CEP170: variants seen among roughly 807,000 people sequenced by gnomAD.
CEP170 encodes the protein centrosomal protein 170.
In CEP170, 21 loss-of-function variants were observed where a neutral mutation model predicts 151.9. The ratio of observed to expected loss-of-function variants is 0.14; its 90% CI spans 0.10 to 0.20. CEP170 has a LOEUF of 0.20. Among genes scored for constraint, CEP170 ranks in the 10% least tolerant of loss-of-function variants. CEP170 has a pLI of 1.00. For synonymous variants in CEP170, 356 were observed against 648.8 expected (o/e 0.55, Z 6.86); for missense variants, 964 against 1,892.9 (o/e 0.51, Z 9.11).
chr1:243,158,455 TCAGA>T (rs1467323024), intron 13 of CEP170, among the ~76,000 whole-genome samples: 8 of 152,134 alleles, frequency 5.3e-5, no homozygotes, highest in African/African-American at 1.7e-4. Flanking sequence ...ATGATAAAAC[TCAGA>T]CAGTTAATTT....
intron 11 of CEP170, among the ~76,000 whole-genome samples, chr1:243,170,207 G>A (rs1394357803): frequency 7.3e-6 from 1 of 136,528 alleles, no homozygotes; most frequent in African/African-American, 2.7e-5. Flanking sequence ...CCAACATGGT[G>A]AAACCCTGTC....
rs933828068 is a variant in CEP170 at position 243,238,457 on chromosome 1, GA to G, written c.-41-13137del. On this transcript the variant is annotated intron_variant, in intron 1 of 19. Coordinates refer to ENST00000366542, the MANE Select transcript of CEP170 (RefSeq NM_014812.3). ...TGGGGCAACACAGTGAACTGCCCTG[GA>G]AAAAAAAAAAAGAATAGTGATATAT... is the stretch of plus-strand genomic sequence containing the variant. 7.4e-4 allele frequency among the ~76,000 whole-genome samples: 106 copies of G among 143,656 alleles called. No homozygotes were observed. The Middle Eastern group carries it at 0.011, about 15-fold the overall frequency. The allele number at this position is 143,656 out of a possible 152,430, so 94.2% of individuals were successfully genotyped here.
Position 243,230,757 on chromosome 1 carries a change from G to A in CEP170, c.-41-5436C>T, listed in dbSNP as rs138284531. Among the ~76,000 whole-genome samples the A allele has an allele frequency of 3.8e-3, 580 of 152,162 alleles. 6 individuals are homozygous for A. The highest frequency in any genetic ancestry group is 3.9e-3 in the Non-Finnish European group (267 of 67,994). On this transcript the variant is annotated intron_variant, in intron 1 of 19. Transcript: ENST00000366542. ...TGAAGTAAAATGAACAGAGCCTGAG[G>A]CACCAGTAGGATATCATCAAACATA...
intron 4 of CEP170, chr1:243,211,636 C>T (rs1316788785): frequency 2.5e-6 from 1 of 401,100 alleles, no homozygotes; most frequent in Non-Finnish European, 4.6e-6. Context: ...TTCAGTGAGA[C>T]TGATGCTGAA....
In CEP170 at chr1:243,164,675, T is replaced by C. The variant is rs879219993; in HGVS notation, c.3285A>G (p.Pro1095=). The change falls in exon 13 of 20, where the codon CCA becomes CCG. Residue 1095 remains proline, a synonymous_variant. Transcript: ENST00000366542. ...SSSKSTTLPR[P]RPTRTSLLRR... is the part of the protein sequence containing the mutation. ...GCAAGAGGGAAGTCCTGGTAGGTCG[T>C]GGCCTTGGAAGGGTGGTTGATTTAC... is the stretch of plus-strand genomic sequence containing the variant. 1.2e-6 allele frequency: 2 copies of C among 1,613,774 alleles called. No homozygotes were observed. Among genetic ancestry groups the C allele is most frequent in the African/African-American group, 1.3e-5 (1 of 75,034 alleles).
intron 16 of CEP170, among the ~76,000 whole-genome samples, chr1:243,136,833 TAAGTAATGTGAATACAGAAATC>T (rs1256793172): frequency 6.7e-6 from 1 of 149,060 alleles, no homozygotes; most frequent in Non-Finnish European, 1.5e-5. Flanking sequence ...ACACAGGGTC[TAAGTAATGTGAATACAGAAATC>T]AAGAAGAGTA....
At chr1:243,229,618 C>T (rs1347686307) in intron 1 of CEP170, among the ~76,000 whole-genome samples, 1 of 152,138 alleles carries the variant, frequency 6.6e-6, no homozygotes, top group Non-Finnish European at 1.5e-5. Context: ...TGGAGACAGC[C>T]TCCTGCATTC....
chr1:243,138,945 C>A (rs909536417), intron 16 of CEP170, among the ~76,000 whole-genome samples: 3 of 152,116 alleles, frequency 2.0e-5, no homozygotes, highest in Non-Finnish European at 2.9e-5. Flanking sequence ...ATAAGAAAGC[C>A]TATGTAGCTA....
intron 13 of CEP170, among the ~76,000 whole-genome samples, chr1:243,159,331 T>C (rs1347644485): frequency 6.6e-6 from 1 of 152,060 alleles, no homozygotes; most frequent in African/African-American, 2.4e-5. Flanking sequence ...AGAGCAGAGC[T>C]GAGACTGAGT....
chr1:243,211,099 A>T (rs2061761430), intron 4 of CEP170: 2 of 149,848 alleles, frequency 1.3e-5, no homozygotes, highest in Non-Finnish European at 3.0e-5. Context: ...ATTCAAAAAA[A>T]CTAAAACTCA....
At chr1:243,242,344 G>A (rs750020774) in intron 1 of CEP170, among the ~76,000 whole-genome samples, 7 of 151,488 alleles carry the variant, frequency 4.6e-5, no homozygotes, top group South Asian at 2.1e-4. Flanking sequence ...TCAGCCTCCC[G>A]AGTAACTGGG....
At chr1:243,243,125 G>A (rs1265704727) in intron 1 of CEP170, among the ~76,000 whole-genome samples, 8 of 152,196 alleles carry the variant, frequency 5.3e-5, no homozygotes, top group Non-Finnish European at 1.0e-4. Flanking sequence ...TTAGGAGGCC[G>A]AGACAGGAGG....
chr1:243,251,125 A>G (rs926366684), intron 1 of CEP170, among the ~76,000 whole-genome samples: 2 of 152,228 alleles, frequency 1.3e-5, no homozygotes, highest in African/African-American at 4.8e-5. Flanking sequence ...AAGAAGTTAT[A>G]TAGTAAAAGC....
At chr1:243,141,355 G>A (rs1360163674) in intron 15 of CEP170, among the ~76,000 whole-genome samples, 1 of 152,212 alleles carries the variant, frequency 6.6e-6, no homozygotes, top group African/African-American at 2.4e-5. Context: ...AGCCATAGAT[G>A]ATAGTTAAAT....
intron 3 of CEP170, 54 bp downstream of exon 3, chr1:243,221,670 C>T: frequency 1.4e-6 from 2 of 1,479,712 alleles, no homozygotes. Context: ...GATTTTTATT[C>T]TTACAATATT....
intron 1 of CEP170, among the ~76,000 whole-genome samples, chr1:243,252,551 A>G (rs1242311512): frequency 1.3e-5 from 2 of 152,164 alleles, no homozygotes; most frequent in Non-Finnish European, 1.5e-5. Context: ...ATCACGAAGC[A>G]CAGAATTTTA....
At chr1:243,242,992 G>A (rs964698177) in intron 1 of CEP170, among the ~76,000 whole-genome samples, 2 of 152,200 alleles carry the variant, frequency 1.3e-5, no homozygotes, top group Non-Finnish European at 2.9e-5. Context: ...AAGCCACTGC[G>A]CCCGGTCCTA....
intron 1 of CEP170, among the ~76,000 whole-genome samples, chr1:243,234,501 T>A (rs1253865923): frequency 1.3e-5 from 2 of 152,186 alleles, no homozygotes; most frequent in Non-Finnish European, 2.9e-5. Flanking sequence ...AAAATTGTAA[T>A]CTGAACCAGC....
chr1:243,250,820 T>C (rs1360163973), intron 1 of CEP170, among the ~76,000 whole-genome samples: 1 of 152,130 alleles, frequency 6.6e-6, no homozygotes, highest in South Asian at 2.1e-4. Context: ...TGTTAAAGAG[T>C]TGATACAATT....
Sources: gnomAD v4.1 joint callset for allele counts (sites outside exome capture counted in the v4.1 genomes callset) on GRCh38, gnomAD v4.1.1 for gene constraint, MANE v1.5 for transcripts, NCBI Gene and HGNC (gene_info 2026-07-23, HGNC 2026-07-21) for gene names.